Variants in ASH1L observed in about 807,000 individuals in gnomAD.
ASH1L encodes histone-lysine N-methyltransferase ASH1L.
In ASH1L, 23 loss-of-function variants were observed where a neutral mutation model predicts 269.0. The ratio of observed to expected loss-of-function variants is 0.09; its 90% CI spans 0.06 to 0.12. The LOEUF is 0.12. Ranked by LOEUF, ASH1L falls within the 10% of genes least tolerant of loss-of-function variation. The pLI is 1.00. For synonymous variants in ASH1L, 1,187 were observed against 1,253.5 expected (o/e 0.95, Z 1.12); for missense variants, 2,912 against 3,567.8 (o/e 0.82, Z 4.68).
intron 4 of ASH1L, among the ~76,000 whole-genome samples, chr1:155,446,997 T>C (rs1228527423): frequency 6.6e-6 from 1 of 152,242 alleles, no homozygotes; most frequent in Non-Finnish European, 1.5e-5. Context: ...GTTAAACTCA[T>C]TTATTAAGTT....
At chr1:155,342,136 T>TA in intron 24 of ASH1L, 34 bp from the exon 25 acceptor site, 1 of 1,605,898 alleles carries the variant, frequency 6.2e-7, no homozygotes, top group Non-Finnish European at 8.5e-7. Flanking sequence ...GAATCCTATT[T>TA]AGCCATTTCT....
chr1:155,359,554 C>T (rs948098672), intron 13 of ASH1L, among the ~76,000 whole-genome samples: 4 of 152,092 alleles, frequency 2.6e-5, no homozygotes, highest in South Asian at 2.1e-4. Flanking sequence ...GGATTACAGG[C>T]GCGAGCCACC....
chr1:155,435,438 T>G (rs1186745609), intron 5 of ASH1L, among the ~76,000 whole-genome samples: 1 of 152,182 alleles, frequency 6.6e-6, no homozygotes, highest in Non-Finnish European at 1.5e-5. Flanking sequence ...ATACACAATG[T>G]ACTGTTAATA....
chr1:155,491,559 T>C (rs973127135), intron 2 of ASH1L, among the ~76,000 whole-genome samples: 1 of 152,248 alleles, frequency 6.6e-6, no homozygotes, highest in East Asian at 1.9e-4. Flanking sequence ...ACTTAACCAG[T>C]AAATGATTAA....
intron 17 of ASH1L, among the ~76,000 whole-genome samples, chr1:155,350,175 C>T (rs185033237): frequency 1.1e-4 from 17 of 151,790 alleles, no homozygotes; most frequent in Admixed American, 5.9e-4. Context: ...CGTGAGCCAC[C>T]GTGTCCGGCC....
rs1670500081 is a variant in ASH1L, at chr1:155,542,603, G to C, written c.-100+19550C>G. Among the ~76,000 whole-genome samples, 4 of 151,776 alleles carry C rather than the reference G, an allele frequency of 2.6e-5. No individual in the cohort carries two copies. The South Asian group carries it at 8.3e-4, about 31-fold the overall frequency. On this transcript the variant is annotated intron_variant, in intron 1 of 27. Transcript: ENST00000392403. Reference sequence around the variant, plus strand: ...CGATGATTACAGCCTGTCAACTGAAGGCCACTGAACATGCTTATATTTTAA... The same window carrying C: ...CGATGATTACAGCCTGTCAACTGAACGCCACTGAACATGCTTATATTTTAA...
intron 1 of ASH1L, among the ~76,000 whole-genome samples, chr1:155,526,641 C>T (rs1224121530): frequency 6.6e-6 from 1 of 152,180 alleles, no homozygotes; most frequent in African/African-American, 2.4e-5. Flanking sequence ...AATTTTGCTT[C>T]CTATCTGATC....
intron 2 of ASH1L, among the ~76,000 whole-genome samples, chr1:155,490,125 C>T (rs1039457330): frequency 5.3e-5 from 8 of 151,776 alleles, no homozygotes; most frequent in East Asian, 2.0e-4. Flanking sequence ...CCACCATGCC[C>T]GGCTGATTTT....
rs1665866413 is a variant in ASH1L, at chr1:155,480,391, T to G, written c.2479A>C (p.Lys827Gln). 1 of 1,614,082 alleles carries G rather than the reference T, an allele frequency of 6.2e-7. No individual in the cohort carries two copies. The highest frequency in any genetic ancestry group is 8.5e-7 in the Non-Finnish European group (1 of 1,179,914). ...SDLLSDIYKP[K>Q]RGRPKSKEMP... ...TCCTTAGATTTAGGCCTTCCTCTTT[T>G]GGGCTTATAAATATCAGACAAAAGG... The change falls in exon 3 of 28, where the codon AAA (lysine) becomes CAA (glutamine). Residue 827 changes from lysine to glutamine, a missense_variant. By Grantham distance (53) the Lys-to-Gln change is moderately conservative. Transcript: ENST00000392403.
rs750868856 is a variant in ASH1L, at chr1:155,562,454, A to AGTGGCGGCG, written c.-410_-402dup. ...GCGGCGGCGGCGGCGGCAGCAGCAG[A>AGTGGCGGCG]GTGGCGGCGGTGGCGGCGGCAGCTC... On this transcript the variant is annotated 5_prime_UTR_variant, in exon 1 of 28. Transcript: ENST00000392403. 1.0e-5 allele frequency: 15 copies of AGTGGCGGCG among 1,463,960 alleles called. No homozygotes were observed. Among genetic ancestry groups the AGTGGCGGCG allele is most frequent in the African/African-American group, 1.4e-5 (1 of 71,274 alleles). 90.7% of individuals were successfully genotyped at this position (1,463,960 alleles called of 1,614,324 possible).
chr1:155,415,770 C>T lies in ASH1L; in HGVS notation c.5982G>A (p.Leu1994=), dbSNP rs1465072161. The change falls in exon 6 of 28, where the codon CTG becomes CTA. Residue 1994 remains leucine (L), a synonymous_variant. Transcript: ENST00000392403. ...CTGTAGTTTTGTAAACGTCAGAATACAGCCCTGCTTTCTGATACTTCTTCT... is the reference window on the plus strand; with the variant it reads ...CTGTAGTTTTGTAAACGTCAGAATATAGCCCTGCTTTCTGATACTTCTTCT... ...PPKKKYQKAG[L]YSDVYKTTDP... is the part of the protein sequence containing the mutation. 2 of 1,613,968 alleles carry T rather than the reference C, an allele frequency of 1.2e-6. No individual in the cohort carries two copies. The highest frequency in any genetic ancestry group is 1.7e-6 in the Non-Finnish European group (2 of 1,179,996).
chr1:155,559,266 C>T (rs1229470631), intron 1 of ASH1L, among the ~76,000 whole-genome samples: 1 of 152,096 alleles, frequency 6.6e-6, no homozygotes, highest in African/African-American at 2.4e-5. Context: ...AGGCCGGGCG[C>T]GGTGGCTCAC....
intron 20 of ASH1L, among the ~76,000 whole-genome samples, chr1:155,347,390 G>C (rs776973072): frequency 8.5e-5 from 13 of 152,052 alleles, no homozygotes; most frequent in Non-Finnish European, 1.9e-4. Flanking sequence ...GTGGATGACA[G>C]AGCAAGATCC....
intron 8 of ASH1L, among the ~76,000 whole-genome samples, chr1:155,379,826 A>G (rs1372415185): frequency 6.6e-6 from 1 of 152,250 alleles, no homozygotes; most frequent in Non-Finnish European, 1.5e-5. Context: ...TGCCTAGGAA[A>G]GCAGGAACTT....
At position 155,337,265 on chromosome 1, in the gene ASH1L, A is replaced by C. The variant is rs1652397328; in HGVS notation, c.*395T>G. ...AGGGATCCTGGCCCTATCCCTTTGG[A>C]TTTTGAGTTATACCTGGGTATAGGA... is the stretch of plus-strand genomic sequence containing the variant. On this transcript the variant is annotated 3_prime_UTR_variant, in exon 28 of 28. Transcript: ENST00000392403. The C allele has an allele frequency of 6.1e-6, 1 of 162,606 alleles. No homozygotes were observed. Among genetic ancestry groups the C allele is most frequent in the Non-Finnish European group, 1.3e-5 (1 of 74,754 alleles). The allele number at this position is 162,606 out of a possible 1,614,324, so 10.1% of individuals were successfully genotyped here. A position where few individuals can be genotyped will look rare whatever the true frequency, so the allele number is the denominator to read the frequency against.
chr1:155,523,902 A>G (rs1007044651), intron 1 of ASH1L, among the ~76,000 whole-genome samples: 1 of 152,236 alleles, frequency 6.6e-6, no homozygotes, highest in African/African-American at 2.4e-5. Context: ...TAGGAGCAGC[A>G]GCAGTGTTTA....
At chr1:155,515,199 C>A (rs897179487) in intron 2 of ASH1L, among the ~76,000 whole-genome samples, 2 of 152,218 alleles carry the variant, frequency 1.3e-5, no homozygotes, top group African/African-American at 4.8e-5. Flanking sequence ...CCCAATTCTT[C>A]TCCAGGACAA....
At position 155,392,364 on chromosome 1, in the gene ASH1L, A is replaced by G. The variant is rs562504603; in HGVS notation, c.6103+3095T>C. Reference sequence around the variant, plus strand: ...ATAAAAAGAGCTATACAAGCGGGAAATGCAACCAGTGTGCTTCTCCTCTTC... The same window carrying G: ...ATAAAAAGAGCTATACAAGCGGGAAGTGCAACCAGTGTGCTTCTCCTCTTC... On this transcript the variant is annotated intron_variant, in intron 7 of 27. Coordinates refer to ENST00000392403, the MANE Select transcript of ASH1L (RefSeq NM_018489.3). 1.7e-4 allele frequency among the ~76,000 whole-genome samples: 26 copies of G among 152,328 alleles called. No individual in the cohort carries two copies. The South Asian group carries it at 5.0e-3, about 29-fold the overall frequency.
intron 2 of ASH1L, among the ~76,000 whole-genome samples, chr1:155,502,655 G>A (rs4971083): frequency 0.022 from 3,281 of 152,240 alleles, 36 homozygotes; most frequent in Non-Finnish European, 0.032. Flanking sequence ...TATATGCAAT[G>A]GAAACACAGA....
Sources: gnomAD v4.1 joint callset for allele counts (sites outside exome capture counted in the v4.1 genomes callset) on GRCh38, gnomAD v4.1.1 for gene constraint, MANE v1.5 for transcripts, NCBI Gene and HGNC (gene_info 2026-07-23, HGNC 2026-07-21) for gene names.